Variants in MECOM observed in about 807,000 individuals in gnomAD.
MECOM encodes the protein MDS1 and EVI1 complex locus, also known as histone-lysine N-methyltransferase MECOM.
In MECOM, 13 loss-of-function variants were observed where a neutral mutation model predicts 116.3. The observed-to-expected ratio is 0.11, with a 90% CI of 0.07 to 0.18. The LOEUF is 0.18. Ranked by LOEUF, MECOM falls within the 10% of genes least tolerant of loss-of-function variation. MECOM has a pLI of 1.00. For missense variants in MECOM, 1,299 were observed against 1,509.0 expected, an observed-to-expected ratio of 0.86 and a Z score of 2.31; for synonymous variants, 528 against 535.2, an observed-to-expected ratio of 0.99 and a Z score of 0.19.
At chr3:169,529,448 G>A (rs1251066541) in intron 1 of MECOM, among the ~76,000 whole-genome samples, 8 of 152,046 alleles carry the variant, frequency 5.3e-5, no homozygotes, top group East Asian at 1.9e-4. Context: ...CAACTCTCCC[G>A]TTTAGCTTGC....
At chr3:169,358,677 G>C (rs1034563) in intron 2 of MECOM, among the ~76,000 whole-genome samples, 62,666 of 151,348 alleles carry the variant, frequency 0.41, 13,357 homozygotes, top group Admixed American at 0.51. Context: ...GGGCCTCCTA[G>C]GGAGGAAGAA....
intron 3 of MECOM, among the ~76,000 whole-genome samples, chr3:169,135,910 T>C (rs1736210833): frequency 6.6e-6 from 1 of 151,900 alleles, no homozygotes; most frequent in South Asian, 2.1e-4. Context: ...TCTAAATGTT[T>C]ATTTAAAATT....
chr3:169,254,624 T>C (rs1189033266), intron 2 of MECOM, among the ~76,000 whole-genome samples: 1 of 152,112 alleles, frequency 6.6e-6, no homozygotes, highest in Non-Finnish European at 1.5e-5. Context: ...TAAACTTTCA[T>C]GTTAAATATT....
chr3:169,337,175 G>C (rs1230576592), intron 2 of MECOM, among the ~76,000 whole-genome samples: 1 of 152,108 alleles, frequency 6.6e-6, no homozygotes, highest in Non-Finnish European at 1.5e-5. Context: ...TTAAATTATA[G>C]ACCTAAGGGT....
chr3:169,116,803 A>G, intron 7 of MECOM, 64 bp from the exon 8 acceptor site: 5 of 1,508,096 alleles, frequency 3.3e-6, no homozygotes, highest in Non-Finnish European at 4.4e-6. Context: ...TTTAGCAAAT[A>G]TCACAATTGG....
In MECOM at chr3:169,222,131, C is replaced by T. The variant is rs147956910; in HGVS notation, c.376-78299G>A. Among the ~76,000 whole-genome samples the T allele has an allele frequency of 2.6e-3, 402 of 152,238 alleles. 3 individuals carry two copies. Among genetic ancestry groups the T allele is most frequent in the African/African-American group, 8.9e-3 (369 of 41,538 alleles). On this transcript the variant is annotated intron_variant, in intron 2 of 16. Coordinates refer to ENST00000651503, the MANE Select transcript of MECOM (RefSeq NM_004991.4). Reference sequence around the variant, plus strand: ...GAACACAGACAGAGAACATTCCCATCGTCACAGAAAGTTCTATGGGTCAGT... The same window carrying T: ...GAACACAGACAGAGAACATTCCCATTGTCACAGAAAGTTCTATGGGTCAGT...
At chr3:169,236,080 A>G (rs1037832883) in intron 2 of MECOM, among the ~76,000 whole-genome samples, 3 of 152,174 alleles carry the variant, frequency 2.0e-5, no homozygotes, top group African/African-American at 7.2e-5. Flanking sequence ...AAGGGCACTG[A>G]TGGTCTATAG....
intron 1 of MECOM, among the ~76,000 whole-genome samples, chr3:169,650,961 A>T (rs554578858): frequency 1.8e-4 from 28 of 152,286 alleles, no homozygotes; most frequent in African/African-American, 6.7e-4. Context: ...CAAAAATCCA[A>T]GGTATATTAA....
chr3:169,514,446 A>G (rs1039185128), intron 1 of MECOM, among the ~76,000 whole-genome samples: 1 of 152,248 alleles, frequency 6.6e-6, no homozygotes, highest in Non-Finnish European at 1.5e-5. Flanking sequence ...AGTTGGAAGC[A>G]TGTGAAAGAA....
intron 1 of MECOM, among the ~76,000 whole-genome samples, chr3:169,647,192 G>T (rs1774297827): frequency 6.6e-6 from 1 of 152,206 alleles, no homozygotes; most frequent in African/African-American, 2.4e-5. Flanking sequence ...TTGTAAAGCA[G>T]ATCAAGGTTT....
chr3:169,490,584 A>C (rs1373586886), intron 1 of MECOM, among the ~76,000 whole-genome samples: 1 of 152,222 alleles, frequency 6.6e-6, no homozygotes, highest in African/African-American at 2.4e-5. Flanking sequence ...GAGTAAAAAA[A>C]AGCAAGTTGA....
At chr3:169,524,182 A>G (rs1323693834) in intron 1 of MECOM, among the ~76,000 whole-genome samples, 1 of 151,892 alleles carries the variant, frequency 6.6e-6, no homozygotes, top group East Asian at 1.9e-4. Flanking sequence ...GCCCAGGTGG[A>G]AGAGAATATA....
At chr3:169,524,722 G>T (rs1183833120) in intron 1 of MECOM, among the ~76,000 whole-genome samples, 1 of 152,090 alleles carries the variant, frequency 6.6e-6, no homozygotes, top group East Asian at 1.9e-4. Flanking sequence ...GGCCTCTCTT[G>T]CTTTAATTTG....
chr3:169,299,409 A>G (rs2149710064), intron 2 of MECOM, among the ~76,000 whole-genome samples: 1 of 152,354 alleles, frequency 6.6e-6, no homozygotes, highest in Middle Eastern at 3.4e-3. Context: ...TGATTCTACC[A>G]GGATCAAAAT....
chr3:169,173,194 T>C (rs531889162), intron 2 of MECOM, among the ~76,000 whole-genome samples: 55 of 152,288 alleles, frequency 3.6e-4, no homozygotes, highest in African/African-American at 1.2e-3. Context: ...GATCTCCTTG[T>C]TTGGCATTTA....
chr3:169,202,474 A>G (rs1022769756), intron 2 of MECOM, among the ~76,000 whole-genome samples: 1 of 152,112 alleles, frequency 6.6e-6, no homozygotes, highest in African/African-American at 2.4e-5. Flanking sequence ...GAAATTCTGT[A>G]CAAAATCAAA....
chr3:169,362,567 G>A (rs573116684), intron 2 of MECOM, among the ~76,000 whole-genome samples: 6 of 151,980 alleles, frequency 3.9e-5, no homozygotes, highest in African/African-American at 1.4e-4. Flanking sequence ...AGAGGGGTGG[G>A]GGCTAGGAGT....
intron 1 of MECOM, among the ~76,000 whole-genome samples, chr3:169,477,336 T>C (rs186672064): frequency 9.9e-5 from 15 of 151,714 alleles, no homozygotes; most frequent in African/African-American, 3.6e-4. Flanking sequence ...TTGCGCCCCG[T>C]CATTCTCCCA....
chr3:169,659,133 A>T (rs1775917509), intron 1 of MECOM, among the ~76,000 whole-genome samples: 1 of 151,700 alleles, frequency 6.6e-6, no homozygotes, highest in Admixed American at 6.6e-5. Flanking sequence ...GTGGAATGAC[A>T]TGTTAATTTC....
Sources: gnomAD v4.1 joint callset for allele counts (sites outside exome capture counted in the v4.1 genomes callset) on GRCh38, gnomAD v4.1.1 for gene constraint, MANE v1.5 for transcripts, NCBI Gene and HGNC (gene_info 2026-07-23, HGNC 2026-07-21) for gene names.